The following PDE4D variants were observed in gnomAD, a reference collection of about 807,000 sequenced individuals.
The protein encoded by PDE4D is phosphodiesterase 4D.
PDE4D carries 24 observed loss-of-function variants against 87.4 expected under a neutral mutation model. The observed-to-expected ratio is 0.27, with a 90% CI of 0.20 to 0.39. The LOEUF (loss-of-function observed/expected upper bound fraction) is 0.39, where lower values mean the gene tolerates loss of function less well. Among genes scored for constraint, PDE4D ranks in the 10% least tolerant of loss-of-function variants. PDE4D has a pLI of 1.00. For synonymous variants in PDE4D, 384 were observed against 383.2 expected, an observed-to-expected ratio of 1.00 and a Z score of -0.02; for missense variants, 714 against 1,041.0, an observed-to-expected ratio of 0.69 and a Z score of 4.32.
chr5:59,027,796 T>C lies in PDE4D; in HGVS notation c.921+11063A>G, dbSNP rs534184477. Among the ~76,000 whole-genome samples the C allele has an allele frequency of 3.9e-5, 6 of 152,148 alleles. No individual in the cohort carries two copies. In the South Asian group the frequency reaches 1.2e-3, roughly 32 times the overall value. ...GTCCCTAGAAATCAGCTATTTTTTT[T>C]CAAAGAGTCTTGGTTCCTTTTACCA... On this transcript the variant is annotated intron_variant, in intron 6 of 14. Transcript: ENST00000340635.
chr5:59,632,777 A>G (rs1001011285), intron 1 of PDE4D, among the ~76,000 whole-genome samples: 3 of 152,360 alleles, frequency 2.0e-5, no homozygotes, highest in African/African-American at 7.2e-5. Context: ...GAAGATGAGG[A>G]AAAACCAGTG....
intron 2 of PDE4D, among the ~76,000 whole-genome samples, chr5:60,014,889 A>G (rs565497219): frequency 1.3e-5 from 2 of 152,354 alleles, no homozygotes; most frequent in Non-Finnish European, 2.9e-5. Context: ...GAGAGAGTCA[A>G]CAGGCACTGA....
intron 2 of PDE4D, among the ~76,000 whole-genome samples, chr5:60,027,795 C>T (rs996572863): frequency 6.6e-6 from 1 of 152,200 alleles, no homozygotes; most frequent in Non-Finnish European, 1.5e-5. Context: ...TGTGTGACTA[C>T]ATCATGCAGT....
At chr5:59,650,285 G>T (rs1370583412) in intron 1 of PDE4D, among the ~76,000 whole-genome samples, 1 of 152,044 alleles carries the variant, frequency 6.6e-6, no homozygotes, top group Admixed American at 6.6e-5. Flanking sequence ...AATGTTTATG[G>T]TAGTCAATAA....
intron 1 of PDE4D, among the ~76,000 whole-genome samples, chr5:59,492,781 C>T (rs185007805): frequency 2.0e-5 from 3 of 152,078 alleles, no homozygotes; most frequent in African/African-American, 4.8e-5. Flanking sequence ...GGGAGGCAAT[C>T]GAATTATGGG....
chr5:59,798,402 A>G (rs1367334879), intron 1 of PDE4D, among the ~76,000 whole-genome samples: 3 of 152,106 alleles, frequency 2.0e-5, no homozygotes, highest in Non-Finnish European at 4.4e-5. Flanking sequence ...AATATCTTCT[A>G]TCAAGTTGTG....
intron 2 of PDE4D, among the ~76,000 whole-genome samples, chr5:60,157,928 C>G (rs1372819096): frequency 6.7e-6 from 1 of 150,246 alleles, no homozygotes; most frequent in African/African-American, 2.5e-5. Context: ...TTCCTTCCCT[C>G]TCTTTCTCAC....
intron 1 of PDE4D, among the ~76,000 whole-genome samples, chr5:59,343,349 C>T (rs967866403): frequency 6.6e-6 from 1 of 152,110 alleles, no homozygotes; most frequent in African/African-American, 2.4e-5. Flanking sequence ...CCCCTGGTAA[C>T]CCCCTTCTAT....
chr5:59,449,236 T>A (rs1003653820), intron 1 of PDE4D, among the ~76,000 whole-genome samples: 1 of 152,216 alleles, frequency 6.6e-6, no homozygotes, highest in African/African-American at 2.4e-5. Flanking sequence ...TATGCCTGTC[T>A]TCTTGTGAAG....
chr5:59,583,471 T>C (rs1824556663), intron 1 of PDE4D, among the ~76,000 whole-genome samples: 1 of 152,228 alleles, frequency 6.6e-6, no homozygotes, highest in Non-Finnish European at 1.5e-5. Context: ...GGCAAACCCT[T>C]ATCTTTGTTT....
chr5:59,662,478 C>G (rs1430308712), intron 1 of PDE4D, among the ~76,000 whole-genome samples: 6 of 152,148 alleles, frequency 3.9e-5, no homozygotes, highest in African/African-American at 1.4e-4. Context: ...CTTTTAGTTT[C>G]AGTTTCCCAC....
intron 1 of PDE4D, among the ~76,000 whole-genome samples, chr5:59,274,252 C>T (rs936327077): frequency 7.2e-5 from 11 of 152,026 alleles, no homozygotes; most frequent in African/African-American, 2.4e-4. Flanking sequence ...CGTTAAGAGA[C>T]AAAATCTTCA....
intron 1 of PDE4D, among the ~76,000 whole-genome samples, chr5:60,246,869 A>G (rs1336780261): frequency 6.6e-6 from 1 of 151,968 alleles, no homozygotes; most frequent in Admixed American, 6.6e-5. Context: ...GTTGAATGGT[A>G]TCTTTCTCCT....
chr5:59,190,620 G>A (rs565280469), intron 3 of PDE4D, among the ~76,000 whole-genome samples: 1 of 152,168 alleles, frequency 6.6e-6, no homozygotes, highest in Non-Finnish European at 1.5e-5. Context: ...GTTTTAAATA[G>A]TTAATGCTAA....
chr5:59,876,191 G>A (rs1388000466), intron 1 of PDE4D, among the ~76,000 whole-genome samples: 1 of 152,092 alleles, frequency 6.6e-6, no homozygotes, highest in Non-Finnish European at 1.5e-5. Flanking sequence ...AGAGAAAAGG[G>A]TATATTTTCC....
At chr5:59,606,490 C>A (rs1427977200) in intron 1 of PDE4D, among the ~76,000 whole-genome samples, 1 of 151,998 alleles carries the variant, frequency 6.6e-6, no homozygotes, top group Non-Finnish European at 1.5e-5. Flanking sequence ...GATGATGAAT[C>A]TGAGGAACCT....
intron 1 of PDE4D, among the ~76,000 whole-genome samples, chr5:60,269,717 A>G (rs1234784084): frequency 6.6e-6 from 1 of 151,508 alleles, no homozygotes; most frequent in East Asian, 1.9e-4. Context: ...TCTTACCACA[A>G]AAAAGTTATA....
At position 60,321,075 on chromosome 5, in the gene PDE4D, A is replaced by C. The variant is rs549189784; in HGVS notation, c.-89-135388T>G. On this transcript the variant is annotated intron_variant, in intron 1 of 16. Transcript: ENST00000502484. ...ATTTTAAAATTCATATGGAACCAAA[A>C]AAGAGCCTGAATAGCTAAGGTAATC... is the stretch of plus-strand genomic sequence containing the variant. Among the ~76,000 whole-genome samples, 8 of 152,356 alleles carry C rather than the reference A, an allele frequency of 5.3e-5. No homozygotes were observed. In the South Asian group the frequency reaches 1.7e-3, roughly 32 times the overall value.
intron 2 of PDE4D, among the ~76,000 whole-genome samples, chr5:60,166,252 G>C (rs1338770451): frequency 1.3e-5 from 2 of 152,066 alleles, no homozygotes; most frequent in African/African-American, 4.8e-5. Flanking sequence ...CCGCCACCAC[G>C]CCTGTCTAAT....
Sources: allele counts gnomAD v4.1 joint callset (sites outside exome capture counted in the v4.1 genomes callset), GRCh38; gene constraint gnomAD v4.1.1; transcripts MANE v1.5; gene names NCBI Gene and HGNC (gene_info 2026-07-23, HGNC 2026-07-21).